ETV1: variants seen among roughly 807,000 people sequenced by gnomAD.
ETV1 encodes ETS variant transcription factor 1.
ETV1 carries 27 observed loss-of-function variants against 62.3 expected under a neutral mutation model. The observed-to-expected ratio is 0.43, with a 90% CI of 0.32 to 0.60. The LOEUF (loss-of-function observed/expected upper bound fraction) is 0.60. Ranked by LOEUF, ETV1 falls within the 20% of genes least tolerant of loss-of-function variation. ETV1 has a pLI of 0.06. For synonymous variants in ETV1, 222 were observed against 199.6 expected, an observed-to-expected ratio of 1.11 and a Z score of -0.94; for missense variants, 605 against 605.8, an observed-to-expected ratio of 1.00 and a Z score of 0.01.
At chr7:13,914,058 T>A (rs1184880371) in intron 9 of ETV1, among the ~76,000 whole-genome samples, 1 of 151,958 alleles carries the variant, frequency 6.6e-6, no homozygotes, top group Non-Finnish European at 1.5e-5. Flanking sequence ...TAATTTTTTG[T>A]ATTTTTAGTA....
chr7:13,938,647 T>C (rs140716026), intron 7 of ETV1, among the ~76,000 whole-genome samples: 94 of 152,354 alleles, frequency 6.2e-4, no homozygotes, highest in African/African-American at 2.1e-3. Context: ...TTTTAATAGA[T>C]AATAGCCTCT....
chr7:13,989,443 A>C lies in ETV1; in HGVS notation c.-263T>G, dbSNP rs1255597325. The stretch of plus-strand genomic sequence containing the variant: ...AAAACTAGCAATGGCGATCAACGAG[A>C]CTTGCTTTGCACCTAACGGGACTAA... On this transcript the variant is annotated 5_prime_UTR_variant, in exon 2 of 14. Coordinates refer to ENST00000430479, the MANE Select transcript of ETV1 (RefSeq NM_004956.5). 3 of 428,414 alleles carry C rather than the reference A, an allele frequency of 7.0e-6. No homozygotes were observed. The highest frequency in any genetic ancestry group is 1.2e-5 in the Non-Finnish European group (3 of 244,820). 26.5% of individuals were successfully genotyped at this position (428,414 alleles called of 1,614,324 possible).
At chr7:13,961,156 G>GA (rs1457976792) in intron 6 of ETV1, among the ~76,000 whole-genome samples, 2 of 141,436 alleles carry the variant, frequency 1.4e-5, no homozygotes, top group Admixed American at 1.4e-4. Flanking sequence ...AAAAAAAAAA[G>GA]AAAAAAAAGA....
rs569795178 is a variant in ETV1 at position 13,907,878 on chromosome 7, G to A, written c.941-1279C>T. ...AAACCTAAACCAAAATATAAAATGT[G>A]TGAGTCAATAGCTGCTAAAATCATT... On this transcript the variant is annotated intron_variant, in intron 11 of 13. Transcript: ENST00000430479. 438 of 469,330 alleles carry A rather than the reference G, an allele frequency of 9.3e-4. 6 individuals are homozygous for A. Among genetic ancestry groups the A allele is most frequent in the South Asian group, 6.7e-3 (430 of 64,368 alleles). 29.1% of individuals were successfully genotyped at this position (469,330 alleles called of 1,614,324 possible).
intron 13 of ETV1, among the ~76,000 whole-genome samples, chr7:13,900,065 G>T (rs149784826): frequency 6.6e-6 from 1 of 152,190 alleles, no homozygotes; most frequent in African/African-American, 2.4e-5. Flanking sequence ...GGGGACTGAG[G>T]TTGCAGTGAA....
rs1253178889 is a variant in ETV1, at chr7:13,973,226, T to G, written c.235+4201A>C. ...TCTTAACCTTCATTTACCAAAGGACTAAAGCAGTAAAAGCTAAGGCAGAAG... is the reference window on the plus strand; with the variant it reads ...TCTTAACCTTCATTTACCAAAGGACGAAAGCAGTAAAAGCTAAGGCAGAAG... On this transcript the variant is annotated intron_variant, in intron 6 of 13. Coordinates refer to ENST00000430479, the MANE Select transcript of ETV1 (RefSeq NM_004956.5). 3.3e-5 allele frequency among the ~76,000 whole-genome samples: 5 copies of G among 152,214 alleles called. No individual in the cohort carries two copies. The East Asian group carries it at 9.6e-4, about 29-fold the overall frequency.
At chr7:13,901,310 T>C (rs1048295065) in intron 12 of ETV1, among the ~76,000 whole-genome samples, 1 of 152,150 alleles carries the variant, frequency 6.6e-6, no homozygotes, top group Non-Finnish European at 1.5e-5. Context: ...TGGCCTGGTT[T>C]GCATTTTAAA....
intron 5 of ETV1, among the ~76,000 whole-genome samples, chr7:13,982,685 A>C (rs1162034161): frequency 6.6e-6 from 1 of 152,042 alleles, no homozygotes; most frequent in East Asian, 1.9e-4. Context: ...GGAGTTCTGT[A>C]ATTCAATGCT....
intron 11 of ETV1, among the ~76,000 whole-genome samples, chr7:13,907,212 C>T (rs984019404): frequency 6.6e-6 from 1 of 152,104 alleles, no homozygotes; most frequent in East Asian, 1.9e-4. Context: ...ACTGCATTAT[C>T]GTAGTACTAC....
At chr7:13,896,776 G>GAAAGAA (rs1554288507) in intron 13 of ETV1, among the ~76,000 whole-genome samples, 1 of 150,834 alleles carries the variant, frequency 6.6e-6, no homozygotes, top group East Asian at 1.9e-4. Context: ...AAGAAAGAAA[G>GAAAGAA]AAAGAAAGAA....
chr7:13,977,624 G>A (rs1469052494), intron 5 of ETV1, 144 bp from the exon 6 acceptor site: 2 of 623,714 alleles, frequency 3.2e-6, no homozygotes, highest in African/African-American at 1.9e-5. Flanking sequence ...TATTTAAAAT[G>A]GTATTGACAA....
rs145274158 is a variant in ETV1 at position 13,959,638 on chromosome 7, C to T, written c.235+17789G>A. ...GTGGCTCACACCTGTAATCCCAGCA[C>T]TTTGCAAGGCCGAGGCAGGTGGATC... On this transcript the variant is annotated intron_variant, in intron 6 of 13. Coordinates refer to ENST00000430479, the MANE Select transcript of ETV1 (RefSeq NM_004956.5). Among the ~76,000 whole-genome samples the T allele has an allele frequency of 4.6e-5, 7 of 152,164 alleles. No individual in the cohort carries two copies. The East Asian group carries it at 9.7e-4, about 21-fold the overall frequency.
In ETV1 at chr7:13,935,903, A is replaced by C. The variant is rs748552258; in HGVS notation, c.366-7T>G. The C allele has an allele frequency of 1.9e-6, 3 of 1,594,900 alleles. No homozygotes were observed. In the Admixed American group the frequency reaches 5.2e-5, roughly 28 times the overall value. On this transcript the variant is annotated splice_polypyrimidine_tract_variant and splice_region_variant and intron_variant, in intron 7 of 13. Coordinates refer to ENST00000430479, the MANE Select transcript of ETV1 (RefSeq NM_004956.5). ...TGGCTTCTGATCATAGGCACTACCC[A>C]GGGGACAAAAGAAGAGAGAACATTT...
chr7:13,986,783 T>A, intron 4 of ETV1, 98 bp from the exon 5 acceptor site: 1 of 915,946 alleles, frequency 1.1e-6, no homozygotes, highest in Non-Finnish European at 1.7e-6. Flanking sequence ...AATATAAATT[T>A]AATTTCAAGA....
At position 13,916,868 on chromosome 7, in the gene ETV1, G is replaced by A. The variant is rs373487834; in HGVS notation, c.803-5561C>T. ...GATGGTTTGAGCGCAGGAGGCAGAG[G>A]TTGCAGTGAGCCCAGATCATACTAC... On this transcript the variant is annotated intron_variant, in intron 9 of 13. Transcript: ENST00000430479. Among the ~76,000 whole-genome samples, 51 of 151,726 alleles carry A rather than the reference G, an allele frequency of 3.4e-4. 2 individuals are homozygous for A. In the East Asian group the frequency reaches 8.1e-3, roughly 24 times the overall value.
At chr7:13,985,382 CT>C (rs1376400552) in intron 5 of ETV1, 2 of 152,038 alleles carry the variant, frequency 1.3e-5, no homozygotes, top group East Asian at 3.9e-4. Context: ...TACAATCATC[CT>C]TTCAAAGGAC....
At chr7:13,935,074 G>C (rs1159059566) in intron 8 of ETV1, among the ~76,000 whole-genome samples, 1 of 152,078 alleles carries the variant, frequency 6.6e-6, no homozygotes, top group African/African-American at 2.4e-5. Flanking sequence ...TAATCTCAAG[G>C]AGTCATGAAT....
chr7:13,927,338 A>G (rs576056872), intron 9 of ETV1, among the ~76,000 whole-genome samples: 22 of 152,132 alleles, frequency 1.4e-4, no homozygotes, highest in African/African-American at 5.1e-4. Flanking sequence ...TGTAGTCCCA[A>G]CTACTCGGGA....
At chr7:13,938,914 A>G (rs1477006325) in intron 7 of ETV1, among the ~76,000 whole-genome samples, 1 of 152,242 alleles carries the variant, frequency 6.6e-6, no homozygotes, top group African/African-American at 2.4e-5. Flanking sequence ...TGATCTGGAT[A>G]AAAATTATTG....
Sources: gnomAD v4.1 joint callset for allele counts (sites outside exome capture counted in the v4.1 genomes callset) on GRCh38, gnomAD v4.1.1 for gene constraint, MANE v1.5 for transcripts, NCBI Gene and HGNC (gene_info 2026-07-23, HGNC 2026-07-21) for gene names.